CYFIP1: variants seen among roughly 807,000 people sequenced by gnomAD.
The protein encoded by CYFIP1 is cytoplasmic FMR1-interacting protein 1.
In CYFIP1, 58 loss-of-function variants were observed where a neutral mutation model predicts 163.5. That is an observed-to-expected ratio of 0.35 (90% CI 0.29 to 0.44). The LOEUF is 0.44. CYFIP1 is among the 20% of genes least tolerant of loss of function. The pLI, the probability that CYFIP1 is intolerant of heterozygous loss-of-function variation, is 1.00. For synonymous variants in CYFIP1, 663 were observed against 660.7 expected, an observed-to-expected ratio of 1.00 and a Z score of -0.05; for missense variants, 1,338 against 1,653.8, an observed-to-expected ratio of 0.81 and a Z score of 3.31.
At chr15:22,927,822 A>T (rs1473539616) in intron 12 of CYFIP1, 84 bp downstream of exon 12, 4 of 1,403,902 alleles carry the variant, frequency 2.8e-6, no homozygotes, top group Admixed American at 6.7e-5. Context: ...GGCCAAAGAT[A>T]AAAAGCCCAA....
At chr15:22,928,160 C>G in intron 11 of CYFIP1, 132 bp from the exon 12 acceptor site, 1 of 1,116,034 alleles carries the variant, frequency 9.0e-7, no homozygotes, top group Non-Finnish European at 1.2e-6. Context: ...CCAAGGCGGG[C>G]GGATCACAAG....
intron 1 of CYFIP1, 96 bp from the exon 2 acceptor site, chr15:22,947,387 G>A (rs1363217969): frequency 1.2e-5 from 18 of 1,516,678 alleles, no homozygotes; most frequent in African/African-American, 4.1e-5. Context: ...ACCCCTTCCC[G>A]CTCTCCCGAG....
chr15:22,953,736 CTACT>C (rs2062339333), intron 1 of CYFIP1, among the ~76,000 whole-genome samples: 1 of 152,212 alleles, frequency 6.6e-6, no homozygotes, highest in Non-Finnish European at 1.5e-5. Context: ...TCTGCCGGTG[CTACT>C]AGCCAGCACT....
intron 3 of CYFIP1, among the ~76,000 whole-genome samples, chr15:22,946,087 G>C (rs527520783): frequency 6.7e-4 from 101 of 151,692 alleles, no homozygotes; most frequent in Non-Finnish European, 1.2e-3. Flanking sequence ...CGGATTCCTT[G>C]AGTCCAGGAA....
chr15:22,882,844 G>T lies in CYFIP1; in HGVS notation c.2820+24C>A, dbSNP rs1378221194. 1.9e-6 allele frequency: 3 copies of T among 1,600,530 alleles called. No homozygotes were observed. In the Admixed American group the frequency reaches 5.0e-5, roughly 27 times the overall value. ...CCCAGGGAATCCAGGCTGTGTGAAAGAAGCATGTCCAGGGAACACTCACCA... is the reference window on the plus strand; with the variant it reads ...CCCAGGGAATCCAGGCTGTGTGAAATAAGCATGTCCAGGGAACACTCACCA... On this transcript the variant is annotated intron_variant, in intron 24 of 30. Transcript: ENST00000617928.
At chr15:22,887,146 C>T (rs2059947557) in intron 23 of CYFIP1, among the ~76,000 whole-genome samples, 1 of 152,156 alleles carries the variant, frequency 6.6e-6, no homozygotes, top group African/African-American at 2.4e-5. Context: ...TGCTTTGTAC[C>T]CCTTTGCTGG....
chr15:22,952,192 GAGAC>G (rs1290995039), intron 1 of CYFIP1, among the ~76,000 whole-genome samples: 2 of 152,104 alleles, frequency 1.3e-5, no homozygotes, highest in Non-Finnish European at 2.9e-5. Flanking sequence ...GTCAAACTCA[GAGAC>G]AGAAAGGAGA....
intron 22 of CYFIP1, among the ~76,000 whole-genome samples, chr15:22,895,838 CT>C (rs2060221094): frequency 6.6e-6 from 1 of 152,318 alleles, no homozygotes; most frequent in African/African-American, 2.4e-5. Context: ...GTGAGCGCCC[CT>C]GGCTGGCAGT....
At chr15:22,894,301 T>C (rs1284021267) in intron 22 of CYFIP1, among the ~76,000 whole-genome samples, 1 of 146,024 alleles carries the variant, frequency 6.8e-6, no homozygotes, top group Non-Finnish European at 1.5e-5. Context: ...TTTTTTTTTT[T>C]TTTCTGAGAT....
chr15:22,892,145 A>G (rs564383995), intron 23 of CYFIP1, among the ~76,000 whole-genome samples: 4 of 152,310 alleles, frequency 2.6e-5, no homozygotes, highest in African/African-American at 9.6e-5. Context: ...TCTTGCCGCC[A>G]TCATTGTTCC....
intron 13 of CYFIP1, among the ~76,000 whole-genome samples, chr15:22,924,703 T>G (rs1453814059): frequency 7.8e-6 from 1 of 128,044 alleles, no homozygotes. Context: ...ATGGGTGAAC[T>G]GTATGGTTAT....
chr15:22,941,698 G>A (rs906319620), intron 6 of CYFIP1, among the ~76,000 whole-genome samples: 1 of 152,046 alleles, frequency 6.6e-6, no homozygotes, highest in African/African-American at 2.4e-5. Context: ...ACCTGGAGGT[G>A]GTGAAGACGC....
At chr15:22,906,844 C>T (rs534865810) in intron 21 of CYFIP1, among the ~76,000 whole-genome samples, 2 of 152,284 alleles carry the variant, frequency 1.3e-5, no homozygotes, top group African/African-American at 2.4e-5. Context: ...GGGTGTCTGT[C>T]TGACGTGCCT....
rs1463436977 is a variant in CYFIP1, at chr15:22,868,085, C to CCAT, written c.*1940_*1942dup. The CCAT allele has an allele frequency of 6.6e-6, 1 of 152,254 alleles. No individual in the cohort carries two copies. The allele number at this position is 152,254 out of a possible 1,614,324, so 9.4% of individuals were successfully genotyped here. On this transcript the variant is annotated 3_prime_UTR_variant, in exon 31 of 31. Transcript: ENST00000617928. ...TACCCAGTGGTGCGCCAGCGCCAAGCCATCACTCCCCGAGGGCCTCCCCTG... is the reference window on the plus strand; with the variant it reads ...TACCCAGTGGTGCGCCAGCGCCAAGCCATCATCACTCCCCGAGGGCCTCCCCTG...
intron 20 of CYFIP1, 29 bp downstream of exon 20, chr15:22,910,491 G>A (rs371746941): frequency 3.2e-6 from 5 of 1,574,016 alleles, no homozygotes; most frequent in Non-Finnish European, 3.5e-6. Context: ...CACACTCTAC[G>A]TCCCCACCAC....
At chr15:22,953,089 G>A (rs1044936782) in intron 1 of CYFIP1, among the ~76,000 whole-genome samples, 2 of 152,240 alleles carry the variant, frequency 1.3e-5, no homozygotes, top group African/African-American at 4.8e-5. Context: ...CTCCGTCCGT[G>A]CATCTTCCAT....
chr15:22,882,766 C>T, intron 24 of CYFIP1, 102 bp downstream of exon 24: 1 of 1,369,690 alleles, frequency 7.3e-7, no homozygotes, highest in Non-Finnish European at 1.0e-6. Flanking sequence ...TTGAACGAAT[C>T]CAGCTGTTGG....
At chr15:22,910,915 CTT>C (rs1566959586) in intron 18 of CYFIP1, 102 bp from the exon 19 acceptor site, 3 of 1,029,328 alleles carry the variant, frequency 2.9e-6, no homozygotes, top group Admixed American at 4.0e-5. Flanking sequence ...AACTGAGGCT[CTT>C]TTATTTTTTT....
chr15:22,903,709 T>G lies in CYFIP1; in HGVS notation c.2585A>C (p.Asn862Thr). The change falls in exon 22 of 31, where the codon AAC becomes ACC. Residue 862 changes from asparagine to threonine, a missense_variant. Physicochemically the swap from Asn to Thr is moderately conservative, Grantham distance 65 (BLOSUM62 0). This residue lies in a region of CYFIP1 where 824 missense variants were observed against 995.7 expected (regional missense o/e 0.83). Coordinates refer to ENST00000617928, the MANE Select transcript of CYFIP1 (RefSeq NM_014608.6). ...LPNYCYNGST[N>T]RFVRTVLPFS... ...CCTGTGTGGCGGGCACGCTCACCGG[T>G]TGGTAGAGCCGTTGTAGCAGTAGTT... The G allele has an allele frequency of 6.2e-7, 1 of 1,613,108 alleles. No homozygotes were observed. Among genetic ancestry groups the G allele is most frequent in the East Asian group, 2.2e-5 (1 of 44,874 alleles).
Sources: allele counts gnomAD v4.1 joint callset (sites outside exome capture counted in the v4.1 genomes callset), GRCh38; gene constraint gnomAD v4.1.1; regional missense constraint gnomAD v4.1.1; transcripts MANE v1.5; gene names NCBI Gene and HGNC (gene_info 2026-07-23, HGNC 2026-07-21).